The following STATH variants were observed in gnomAD, a reference collection of about 807,000 sequenced individuals.
The protein encoded by STATH is statherin.
A neutral mutation model predicts 13.3 loss-of-function variants in STATH; 11 were observed. That is an observed-to-expected ratio of 0.83 (90% CI 0.52 to 1.37). The LOEUF (loss-of-function observed/expected upper bound fraction) is 1.37, where lower values mean the gene tolerates loss of function less well. STATH is among the 40% of genes most tolerant of loss of function. The probability of loss-of-function intolerance (pLI) is 0.00; values close to 1 mark genes in which losing one functional copy is unlikely to be tolerated. For synonymous variants in STATH, 25 were observed against 23.6 expected, an observed-to-expected ratio of 1.06 and a Z score of -0.17; for missense variants, 78 against 73.3, an observed-to-expected ratio of 1.06 and a Z score of -0.24.
intron 1 of STATH, 147 bp from the exon 2 acceptor site, chr4:69,998,276 A>G (rs1298908933): frequency 5.1e-6 from 3 of 589,724 alleles, no homozygotes; most frequent in Non-Finnish European, 9.1e-6. Flanking sequence ...ACAAGTCTCC[A>G]AGTTTCATGA....
Position 69,999,690 on chromosome 4 carries a change from G to A in STATH, c.72+3G>A, listed in dbSNP as rs775202782. On this transcript the variant is annotated splice_donor_region_variant and intron_variant, in intron 3 of 5. Transcript: ENST00000246895. ...AGGGAGCTGATTCATCTGAAGAGGTGAGTCATTTTCATTCACTGGAAAACT... is the reference window on the plus strand; with the variant it reads ...AGGGAGCTGATTCATCTGAAGAGGTAAGTCATTTTCATTCACTGGAAAACT... 2.5e-6 allele frequency: 4 copies of A among 1,611,218 alleles called. No individual in the cohort carries two copies. Among genetic ancestry groups the A allele is most frequent in the Non-Finnish European group, 2.5e-6 (3 of 1,178,772 alleles).
intron 4 of STATH, 119 bp downstream of exon 4, chr4:69,999,928 T>G: frequency 1.7e-6 from 2 of 1,148,364 alleles, no homozygotes; most frequent in Non-Finnish European, 2.5e-6. Flanking sequence ...AAAGTGTGCT[T>G]TGTTTTCCTC....
rs1311810731 is a variant in STATH at position 70,002,169 on chromosome 4, A to C, written c.*34-20A>C. ...GTAAAAATTTTACAGATAATCTGTT[A>C]TTTTTTTTTTTCTGTGCAGGCTTGA... is the stretch of plus-strand genomic sequence containing the variant. On this transcript the variant is annotated intron_variant, in intron 5 of 5. Transcript: ENST00000246895. 2 of 147,184 alleles carry C rather than the reference A, an allele frequency of 1.4e-5. No individual in the cohort carries two copies. The highest frequency in any genetic ancestry group is 5.0e-5 in the African/African-American group (2 of 40,376). The allele number at this position is 147,184 out of a possible 1,614,324, so 9.1% of individuals were successfully genotyped here. A position where few individuals can be genotyped will look rare whatever the true frequency, so the allele number is the denominator to read the frequency against.
In STATH at chr4:69,999,653, TTC is replaced by T. The variant is rs1371225264; in HGVS notation, c.52-12_52-11del. 6.2e-7 allele frequency: 1 copy of T among 1,608,796 alleles called. No homozygotes were observed. Among genetic ancestry groups the T allele is most frequent in the South Asian group, 1.1e-5 (1 of 90,632 alleles). ...TTAAGATACTAACTATTGTCTAATT[TTC>T]TGTTTTCTAAGGGAGCTGATTCATC... On this transcript the variant is annotated splice_polypyrimidine_tract_variant and intron_variant, in intron 2 of 5. Transcript: ENST00000246895.
rs1388787211 is a variant in STATH, at chr4:70,002,450, T to G, written c.*295T>G. Reference sequence around the variant, plus strand: ...AAAAGCAATAAATTTCAAGCACATTTTTACATGTATGCTCCTTATTTTTCT... The same window carrying G: ...AAAAGCAATAAATTTCAAGCACATTGTTACATGTATGCTCCTTATTTTTCT... On this transcript the variant is annotated 3_prime_UTR_variant, in exon 6 of 6. Coordinates refer to ENST00000246895, the MANE Select transcript of STATH (RefSeq NM_003154.3). The G allele has an allele frequency of 6.6e-6, 1 of 151,742 alleles. No homozygotes were observed. Among genetic ancestry groups the G allele is most frequent in the Admixed American group, 6.6e-5 (1 of 15,148 alleles). The allele number at this position is 151,742 out of a possible 1,614,324, so 9.4% of individuals were successfully genotyped here. A position where few individuals can be genotyped will look rare whatever the true frequency, so the allele number is the denominator to read the frequency against.
rs190145794 is a variant in STATH, at chr4:69,996,834, A to G, written c.-16+809A>G. On this transcript the variant is annotated intron_variant, in intron 1 of 5. Transcript: ENST00000246895. ...CTAAAGTTTTTATGCTTTTTGCATC[A>G]TAAAATGACTGATGGGTAGGTTTAT... Among the ~76,000 whole-genome samples, 7 of 152,062 alleles carry G rather than the reference A, an allele frequency of 4.6e-5. No homozygotes were observed. The East Asian group carries it at 1.4e-3, about 29-fold the overall frequency.
At chr4:69,996,695 A>G (rs1232445512) in intron 1 of STATH, among the ~76,000 whole-genome samples, 3 of 151,974 alleles carry the variant, frequency 2.0e-5, no homozygotes, top group Non-Finnish European at 4.4e-5. Flanking sequence ...ATATTTATAT[A>G]TCTATGTCTA....
At chr4:69,996,637 T>G (rs1414988221) in intron 1 of STATH, among the ~76,000 whole-genome samples, 1 of 152,040 alleles carries the variant, frequency 6.6e-6, no homozygotes, top group African/African-American at 2.4e-5. Flanking sequence ...TATTTCATAT[T>G]TTTATTATTT....
At chr4:69,997,865 G>A (rs953165318) in intron 1 of STATH, among the ~76,000 whole-genome samples, 8 of 152,186 alleles carry the variant, frequency 5.3e-5, no homozygotes, top group African/African-American at 1.4e-4. Flanking sequence ...ATTATAAAGC[G>A]ATTGCCCATT....
chr4:70,002,316 CTT>C lies in STATH; in HGVS notation c.*163_*164del, dbSNP rs1724691080. The C allele has an allele frequency of 6.6e-6, 1 of 151,572 alleles. No homozygotes were observed. Among genetic ancestry groups the C allele is most frequent in the Non-Finnish European group, 1.5e-5 (1 of 67,732 alleles). The allele number at this position is 151,572 out of a possible 1,614,324, so 9.4% of individuals were successfully genotyped here. On this transcript the variant is annotated 3_prime_UTR_variant, in exon 6 of 6. Coordinates refer to ENST00000246895, the MANE Select transcript of STATH (RefSeq NM_003154.3). ...AAAACACTATAATTTACTGTATACT[CTT>C]TGTTTCAGGATACTTGCCTTTTCAA...
At chr4:69,999,608 C>T in intron 2 of STATH, 59 bp from the exon 3 acceptor site, 1 of 1,555,984 alleles carries the variant, frequency 6.4e-7, no homozygotes, top group Non-Finnish European at 8.8e-7. Flanking sequence ...CATTTTTGTA[C>T]TCAATCTGGA....
At chr4:70,001,095 G>T in intron 5 of STATH, 113 bp downstream of exon 5, 1 of 689,500 alleles carries the variant, frequency 1.5e-6, no homozygotes. Flanking sequence ...TAAGAAAGCA[G>T]CCAGCTGTAT....
At chr4:69,999,404 G>A (rs1389681890) in intron 2 of STATH, among the ~76,000 whole-genome samples, 1 of 151,822 alleles carries the variant, frequency 6.6e-6, no homozygotes, top group Non-Finnish European at 1.5e-5. Flanking sequence ...ATTCACCAAT[G>A]ATAACCATTT....
intron 1 of STATH, among the ~76,000 whole-genome samples, chr4:69,996,927 C>CTTTTTTTTTTTT (rs34282662): frequency 9.3e-6 from 1 of 107,586 alleles, no homozygotes; most frequent in Non-Finnish European, 1.8e-5. Flanking sequence ...CAGAAATTTC[C>CTTTTTTTTTTTT]TTTTTTTTTT....
intron 4 of STATH, chr4:70,000,100 C>A: frequency 2.7e-6 from 1 of 375,444 alleles, no homozygotes; most frequent in Non-Finnish European, 4.8e-6. Context: ...AATTCTAATT[C>A]TGTTAATTAT....
At chr4:69,998,733 C>CT (rs1724572716) in intron 2 of STATH, 3 of 317,194 alleles carry the variant, frequency 9.5e-6, no homozygotes, top group Admixed American at 9.1e-5. Context: ...GAAAGTTTTA[C>CT]TGAACTTCTT....
intron 2 of STATH, 115 bp from the exon 3 acceptor site, chr4:69,999,552 A>G (rs1157290390): frequency 3.1e-6 from 3 of 976,840 alleles, no homozygotes; most frequent in Non-Finnish European, 3.1e-6. Flanking sequence ...GTGTCTATCG[A>G]TGATTTGCCT....
intron 1 of STATH, among the ~76,000 whole-genome samples, chr4:69,996,551 C>T (rs1318158992): frequency 1.3e-5 from 2 of 152,054 alleles, no homozygotes; most frequent in Non-Finnish European, 2.9e-5. Flanking sequence ...AACAGTCATG[C>T]TTTACTGCCT....
At chr4:69,998,190 G>A (rs1253766298) in intron 1 of STATH, among the ~76,000 whole-genome samples, 1 of 151,954 alleles carries the variant, frequency 6.6e-6, no homozygotes, top group East Asian at 1.9e-4. Context: ...TCTGTGTAAG[G>A]TGTTGATTTG....
Sources: allele counts gnomAD v4.1 joint callset (sites outside exome capture counted in the v4.1 genomes callset), GRCh38; gene constraint gnomAD v4.1.1; transcripts MANE v1.5; gene names NCBI Gene and HGNC (gene_info 2026-07-23, HGNC 2026-07-21).